ELMO1: variants seen among roughly 807,000 people sequenced by gnomAD.
The protein encoded by ELMO1 is engulfment and cell motility 1, also known as engulfment and cell motility protein 1.
ELMO1 carries 26 observed loss-of-function variants against 98.9 expected under a neutral mutation model. The ratio of observed to expected loss-of-function variants is 0.26; its 90% CI spans 0.19 to 0.36. The LOEUF is 0.36. Among genes scored for constraint, ELMO1 ranks in the 10% least tolerant of loss-of-function variants. The probability of loss-of-function intolerance (pLI) is 1.00; values close to 1 mark genes in which losing one functional copy is unlikely to be tolerated. For synonymous variants in ELMO1, 346 were observed against 346.0 expected (o/e 1.00, Z 0.00); for missense variants, 627 against 935.2 (o/e 0.67, Z 4.30).
intron 13 of ELMO1, among the ~76,000 whole-genome samples, chr7:37,201,201 G>C (rs1792275145): frequency 6.6e-6 from 1 of 152,038 alleles, no homozygotes; most frequent in African/African-American, 2.4e-5. Context: ...TCCCCATACA[G>C]CTTTGCATAA....
chr7:37,175,245 A>C (rs917627893), intron 13 of ELMO1, among the ~76,000 whole-genome samples: 4 of 152,194 alleles, frequency 2.6e-5, no homozygotes, highest in African/African-American at 9.7e-5. Flanking sequence ...GTTCCTTCCA[A>C]ATTTTGAATA....
At chr7:36,907,111 T>G (rs1784020447) in intron 16 of ELMO1, among the ~76,000 whole-genome samples, 1 of 151,918 alleles carries the variant, frequency 6.6e-6, no homozygotes. Context: ...GTCCAGAAAC[T>G]GAAGGTCAAC....
intron 4 of ELMO1, among the ~76,000 whole-genome samples, chr7:37,274,706 C>T (rs1347425547): frequency 6.6e-6 from 1 of 152,134 alleles, no homozygotes. Flanking sequence ...GAGCCTGTCA[C>T]CAAGCCCGGC....
At chr7:37,352,998 G>C (rs1801339611) in intron 1 of ELMO1, 1 of 152,120 alleles carries the variant, frequency 6.6e-6, no homozygotes, top group South Asian at 2.1e-4. Context: ...ACATCCAATG[G>C]CTCTGTAAGT....
intron 15 of ELMO1, among the ~76,000 whole-genome samples, chr7:37,056,388 C>A (rs766690330): frequency 6.6e-6 from 1 of 152,172 alleles, no homozygotes; most frequent in Non-Finnish European, 1.5e-5. Flanking sequence ...CCTACTGCAA[C>A]CTCTTGGCTT....
At chr7:37,330,578 T>C (rs1476775895) in intron 2 of ELMO1, among the ~76,000 whole-genome samples, 1 of 152,236 alleles carries the variant, frequency 6.6e-6, no homozygotes, top group Non-Finnish European at 1.5e-5. Flanking sequence ...AATATGTTTC[T>C]CTTCATATCT....
intron 16 of ELMO1, among the ~76,000 whole-genome samples, chr7:36,941,148 T>C (rs1326061807): frequency 9.2e-5 from 14 of 152,228 alleles, no homozygotes; most frequent in Admixed American, 7.9e-4. Flanking sequence ...AAAGAATAAA[T>C]TGATTTCTGA....
At chr7:37,335,713 G>A (rs2717947) in intron 2 of ELMO1, among the ~76,000 whole-genome samples, 62,960 of 152,004 alleles carry the variant, frequency 0.41, 15,181 homozygotes, top group Non-Finnish European at 0.55. Context: ...CATTTGAGAA[G>A]CAGAACTAAG....
chr7:37,372,015 G>C (rs760442827), intron 1 of ELMO1, among the ~76,000 whole-genome samples: 2 of 151,942 alleles, frequency 1.3e-5, no homozygotes, highest in Non-Finnish European at 2.9e-5. Context: ...ACTGTCAAAG[G>C]TAAAATCCTG....
chr7:36,946,726 T>C (rs964909251), intron 16 of ELMO1, among the ~76,000 whole-genome samples: 2 of 152,192 alleles, frequency 1.3e-5, no homozygotes, highest in African/African-American at 4.8e-5. Context: ...TTTTGGGAGT[T>C]CATCTTCTCC....
At chr7:37,308,348 A>T (rs1798721835) in intron 4 of ELMO1, among the ~76,000 whole-genome samples, 1 of 152,170 alleles carries the variant, frequency 6.6e-6, no homozygotes, top group African/African-American at 2.4e-5. Flanking sequence ...AGATGACCTT[A>T]AAAAGCCTTG....
chr7:37,261,926 G>C (rs118170080), intron 5 of ELMO1, among the ~76,000 whole-genome samples: 1 of 152,214 alleles, frequency 6.6e-6, no homozygotes, highest in East Asian at 1.9e-4. Context: ...ACTACCACCT[G>C]ATCTTCCCCA....
chr7:37,257,159 C>T lies in ELMO1; in HGVS notation c.413+2022G>A, dbSNP rs115423151. Among the ~76,000 whole-genome samples the T allele has an allele frequency of 5.0e-3, 762 of 152,288 alleles. 5 individuals are homozygous for T. Among genetic ancestry groups the T allele is most frequent in the African/African-American group, 0.017 (698 of 41,562 alleles). On this transcript the variant is annotated intron_variant, in intron 6 of 21. Coordinates refer to ENST00000310758, the MANE Select transcript of ELMO1 (RefSeq NM_014800.11). ...TCTCCACCAACATAAGAGCTGGCCC[C>T]GCCTGGCTCCTGACGCTCCACAGTC...
intron 15 of ELMO1, among the ~76,000 whole-genome samples, chr7:37,018,961 G>C (rs1794116121): frequency 6.6e-6 from 1 of 152,072 alleles, no homozygotes; most frequent in African/African-American, 2.4e-5. Flanking sequence ...GCGGGGGGCG[G>C]GGGTGCTTAG....
At chr7:37,412,639 C>T (rs915514834) in intron 1 of ELMO1, among the ~76,000 whole-genome samples, 1 of 152,074 alleles carries the variant, frequency 6.6e-6, no homozygotes, top group Non-Finnish European at 1.5e-5. Context: ...TCCTTGGATG[C>T]TCCTCCCCTT....
At chr7:37,104,255 T>G (rs116973231) in intron 14 of ELMO1, among the ~76,000 whole-genome samples, 3,065 of 151,278 alleles carry the variant, frequency 0.02, 48 homozygotes, top group Non-Finnish European at 0.032. Flanking sequence ...TACTGTAAAA[T>G]ATATTTGGTG....
intron 15 of ELMO1, among the ~76,000 whole-genome samples, chr7:37,068,680 C>T (rs376832667): frequency 1.3e-5 from 2 of 152,158 alleles, no homozygotes; most frequent in South Asian, 4.2e-4. Context: ...TGGTTCATTA[C>T]CCAATATAAT....
At chr7:37,343,683 T>C (rs911592262) in intron 1 of ELMO1, among the ~76,000 whole-genome samples, 18 of 152,216 alleles carry the variant, frequency 1.2e-4, no homozygotes, top group African/African-American at 4.3e-4. Flanking sequence ...GGTTTCGCCA[T>C]GTTGGCCAGG....
chr7:37,206,653 T>G (rs982223719), intron 13 of ELMO1, among the ~76,000 whole-genome samples: 7 of 152,214 alleles, frequency 4.6e-5, no homozygotes, highest in Non-Finnish European at 7.3e-5. Flanking sequence ...TAGAAAATCC[T>G]CTTAAAAATT....
Sources: allele counts gnomAD v4.1 joint callset (sites outside exome capture counted in the v4.1 genomes callset), GRCh38; gene constraint gnomAD v4.1.1; transcripts MANE v1.5; gene names NCBI Gene and HGNC (gene_info 2026-07-23, HGNC 2026-07-21).